IL1RAPL2: variants seen among roughly 807,000 people sequenced by gnomAD.
IL1RAPL2 encodes the protein interleukin 1 receptor accessory protein like 2.
In IL1RAPL2, 3 loss-of-function variants were observed where a neutral mutation model predicts 44.1. The observed-to-expected ratio is 0.07, with a 90% CI of 0.03 to 0.18. The LOEUF (loss-of-function observed/expected upper bound fraction) is 0.18. Among genes scored for constraint, IL1RAPL2 ranks in the 10% least tolerant of loss-of-function variants. The probability of loss-of-function intolerance (pLI) is 1.00; values close to 1 mark genes in which losing one functional copy is unlikely to be tolerated. For missense variants in IL1RAPL2, 391 were observed against 496.4 expected (o/e 0.79, Z 2.02); for synonymous variants, 181 against 178.8 (o/e 1.01, Z -0.10).
chrX:104,721,710 A>C (rs1359627417), intron 2 of IL1RAPL2, among the ~76,000 whole-genome samples: 3 of 111,454 alleles, frequency 2.7e-5, no homozygotes, highest in African/African-American at 9.8e-5. Context: ...ATGCATACAA[A>C]TATAATTGAA....
intron 2 of IL1RAPL2, among the ~76,000 whole-genome samples, chrX:104,848,415 A>G (rs1478348762): frequency 2.3e-4 from 3 of 12,793 alleles, no homozygotes; most frequent in Admixed American, 1.3e-3. Flanking sequence ...ATCTGTATAT[A>G]TATATATATA....
chrX:104,890,003 A>G (rs1201635915), intron 2 of IL1RAPL2, among the ~76,000 whole-genome samples: 2 of 110,495 alleles, frequency 1.8e-5, no homozygotes, highest in African/African-American at 6.6e-5. Flanking sequence ...CCTGTGTCCA[A>G]GTGTTCTCAA....
chrX:105,024,349 A>C lies in IL1RAPL2; in HGVS notation c.83-171126A>C, dbSNP rs745865946. 4.5e-5 allele frequency among the ~76,000 whole-genome samples: 5 copies of C among 111,675 alleles called. No homozygotes were observed. The East Asian group carries it at 1.4e-3, about 32-fold the overall frequency. Reference sequence around the variant, plus strand: ...AATTCTGCTTTTAATATGGAACTGGAAACAGTCCTTTCATCTTCCAGGTGA... The same window carrying C: ...AATTCTGCTTTTAATATGGAACTGGCAACAGTCCTTTCATCTTCCAGGTGA... On this transcript the variant is annotated intron_variant, in intron 2 of 10. Coordinates refer to ENST00000372582, the MANE Select transcript of IL1RAPL2 (RefSeq NM_017416.2).
intron 8 of IL1RAPL2, among the ~76,000 whole-genome samples, chrX:105,748,700 T>C (rs1328303241): frequency 8.9e-6 from 1 of 112,355 alleles, no homozygotes; most frequent in Non-Finnish European, 1.9e-5. Flanking sequence ...ACATCTTAGA[T>C]GCGTTCAAAA....
At chrX:104,766,511 T>C (rs1445575116) in intron 2 of IL1RAPL2, among the ~76,000 whole-genome samples, 1 of 111,782 alleles carries the variant, frequency 8.9e-6, no homozygotes, top group Non-Finnish European at 1.9e-5. Flanking sequence ...TTCATTGATT[T>C]CTGTACACTT....
intron 2 of IL1RAPL2, among the ~76,000 whole-genome samples, chrX:104,895,419 G>A (rs1027130041): frequency 2.7e-5 from 3 of 112,743 alleles, no homozygotes; most frequent in African/African-American, 9.7e-5. Flanking sequence ...TCCTTTAGCT[G>A]TGGTGGGCTC....
chrX:104,937,833 G>A (rs1925063087), intron 2 of IL1RAPL2, among the ~76,000 whole-genome samples: 2 of 112,552 alleles, frequency 1.8e-5, no homozygotes, highest in African/African-American at 6.5e-5. Flanking sequence ...ATAAAAGTAA[G>A]CCATTTCATT....
At chrX:105,216,089 A>C (rs1556165515) in intron 3 of IL1RAPL2, among the ~76,000 whole-genome samples, 1 of 111,323 alleles carries the variant, frequency 9.0e-6, no homozygotes, top group Non-Finnish European at 1.9e-5. Flanking sequence ...TATTCAACAC[A>C]GTGTTGGAAG....
chrX:105,197,904 C>G (rs781874351), intron 3 of IL1RAPL2, among the ~76,000 whole-genome samples: 1 of 111,079 alleles, frequency 9.0e-6, no homozygotes, highest in African/African-American at 3.3e-5. Context: ...TTTTGATTCT[C>G]TCCCTCCTCC....
chrX:105,416,275 C>G lies in IL1RAPL2; in HGVS notation c.698-68038C>G, dbSNP rs1371244266. On this transcript the variant is annotated intron_variant, in intron 5 of 10. Coordinates refer to ENST00000372582, the MANE Select transcript of IL1RAPL2 (RefSeq NM_017416.2). ...GACACTGTTTGCCTTAGATACATCT[C>G]TATCTTTTGCTGCTATTTCCCCATC... 2.7e-5 allele frequency among the ~76,000 whole-genome samples: 3 copies of G among 112,030 alleles called. No homozygotes were observed. In the East Asian group the frequency reaches 8.5e-4, roughly 32 times the overall value.
chrX:105,404,415 G>A lies in IL1RAPL2; in HGVS notation c.698-79898G>A, dbSNP rs148876331. ...TAGGTTACCTCATCACACCACCATG[G>A]ATTAGACTGTTAGTATTTGTTGCTT... On this transcript the variant is annotated intron_variant, in intron 5 of 10. Coordinates refer to ENST00000372582, the MANE Select transcript of IL1RAPL2 (RefSeq NM_017416.2). Among the ~76,000 whole-genome samples, 576 of 111,901 alleles carry A rather than the reference G, an allele frequency of 5.1e-3. 6 individuals carry two copies. The highest frequency in any genetic ancestry group is 0.018 in the African/African-American group (543 of 30,785).
At chrX:105,612,133 G>T (rs1016557794) in intron 6 of IL1RAPL2, among the ~76,000 whole-genome samples, 2 of 110,763 alleles carry the variant, frequency 1.8e-5, no homozygotes, top group African/African-American at 3.3e-5. Context: ...TTAAGACAGG[G>T]TCTCGCTCTG....
chrX:105,346,199 A>G (rs1023866487), intron 5 of IL1RAPL2, among the ~76,000 whole-genome samples: 4 of 112,127 alleles, frequency 3.6e-5, no homozygotes. Flanking sequence ...CTCTGATTGT[A>G]TTAGGAAATG....
intron 2 of IL1RAPL2, among the ~76,000 whole-genome samples, chrX:105,051,310 G>A (rs1333179050): frequency 0.048 from 2 of 42 alleles, no homozygotes; most frequent in Admixed American, 0.12. Flanking sequence ...GTCTGCCCCT[G>A]AGGTGCAGGC....
At chrX:104,978,825 A>AT (rs928826455) in intron 2 of IL1RAPL2, among the ~76,000 whole-genome samples, 2 of 111,730 alleles carry the variant, frequency 1.8e-5, no homozygotes, top group Non-Finnish European at 3.8e-5. Flanking sequence ...TGTATTTTTT[A>AT]TTTTTTTCTG....
intron 2 of IL1RAPL2, among the ~76,000 whole-genome samples, chrX:105,006,371 C>T (rs1020590392): frequency 2.7e-5 from 3 of 110,143 alleles, no homozygotes; most frequent in East Asian, 2.9e-4. Flanking sequence ...AAATTCACTT[C>T]ACCTGGAGAG....
At chrX:105,306,737 G>A (rs891803780) in intron 5 of IL1RAPL2, among the ~76,000 whole-genome samples, 1 of 111,131 alleles carries the variant, frequency 9.0e-6, no homozygotes, top group African/African-American at 3.3e-5. Flanking sequence ...TTGTCTGAAC[G>A]TTGGTGTGGT....
At chrX:105,146,540 T>A (rs1343209472) in intron 2 of IL1RAPL2, among the ~76,000 whole-genome samples, 3 of 111,788 alleles carry the variant, frequency 2.7e-5, no homozygotes, top group Non-Finnish European at 3.8e-5. Context: ...CTTAATTTTT[T>A]AAAAAATATA....
intron 3 of IL1RAPL2, among the ~76,000 whole-genome samples, chrX:105,223,310 A>G (rs1471838578): frequency 1.8e-5 from 2 of 111,529 alleles, no homozygotes; most frequent in Non-Finnish European, 3.8e-5. Context: ...TCAGGGACAG[A>G]ATATGGAGCA....
Sources: gnomAD v4.1 joint callset for allele counts (sites outside exome capture counted in the v4.1 genomes callset) on GRCh38, gnomAD v4.1.1 for gene constraint, MANE v1.5 for transcripts, NCBI Gene and HGNC (gene_info 2026-07-23, HGNC 2026-07-21) for gene names.